Variants in SPIN1 observed in about 807,000 individuals in gnomAD.
The protein encoded by SPIN1 is spindlin-1.
Under a neutral mutation model 26.0 loss-of-function variants are expected in SPIN1, and 3 were observed. The observed-to-expected ratio is 0.12, with a 90% CI of 0.05 to 0.30. The LOEUF (loss-of-function observed/expected upper bound fraction) is 0.30, where lower values mean the gene tolerates loss of function less well. Ranked by LOEUF, SPIN1 falls within the 10% of genes least tolerant of loss-of-function variation. The pLI is 1.00. For synonymous variants in SPIN1, 101 were observed against 116.5 expected (o/e 0.87, Z 0.86); for missense variants, 126 against 333.4 (o/e 0.38, Z 4.84).
Position 88,441,433 on chromosome 9 carries a change from G to A in SPIN1, c.53-7508G>A, listed in dbSNP as rs182188307. On this transcript the variant is annotated intron_variant, in intron 2 of 5. Transcript: ENST00000375859. ...TGTGTGTGCGCGCGCGCGCGCCCAT[G>A]TGTGTGTACATACATTGTTGCTCAA... 2.6e-3 allele frequency among the ~76,000 whole-genome samples: 389 copies of A among 147,818 alleles called. 8 individuals are homozygous for A. Among genetic ancestry groups the A allele is most frequent in the African/African-American group, 9.4e-3 (366 of 38,756 alleles).
chr9:88,420,568 T>C (rs1285225322), intron 1 of SPIN1, among the ~76,000 whole-genome samples: 1 of 152,220 alleles, frequency 6.6e-6, no homozygotes, highest in Non-Finnish European at 1.5e-5. Context: ...GGTTGGTTTA[T>C]GAGTTATAGC....
chr9:88,449,973 C>T (rs190004508), intron 3 of SPIN1, among the ~76,000 whole-genome samples: 102 of 152,034 alleles, frequency 6.7e-4, no homozygotes, highest in Middle Eastern at 3.4e-3. Context: ...AGTGATTGGG[C>T]GAAACAAAAG....
At chr9:88,427,174 A>G (rs781000609) in intron 2 of SPIN1, among the ~76,000 whole-genome samples, 5 of 152,188 alleles carry the variant, frequency 3.3e-5, no homozygotes, top group Non-Finnish European at 7.3e-5. Context: ...GGACTTGAAA[A>G]GCATTCTTCT....
chr9:88,444,478 C>T (rs895223900), intron 2 of SPIN1, among the ~76,000 whole-genome samples: 7 of 151,854 alleles, frequency 4.6e-5, no homozygotes, highest in Non-Finnish European at 7.4e-5. Context: ...CTCCTGACCC[C>T]GTGATCCACC....
chr9:88,418,606 A>G (rs1827613731), intron 1 of SPIN1, among the ~76,000 whole-genome samples: 1 of 152,234 alleles, frequency 6.6e-6, no homozygotes, highest in Admixed American at 6.5e-5. Context: ...GTTCAGTGGT[A>G]GCAGCAGGCA....
chr9:88,441,369 A>G (rs186939162), intron 2 of SPIN1, among the ~76,000 whole-genome samples: 1 of 117,408 alleles, frequency 8.5e-6, no homozygotes, highest in Non-Finnish European at 1.7e-5. Flanking sequence ...TTCTCTCTCC[A>G]GTCTGGTTGT....
rs983907083 is a variant in SPIN1 at position 88,478,591 on chromosome 9, A to G, written c.*3314A>G. 6.6e-6 allele frequency: 1 copy of G among 152,322 alleles called. No individual in the cohort carries two copies. The highest frequency in any genetic ancestry group is 2.4e-5 in the African/African-American group (1 of 41,460). 9.4% of individuals were successfully genotyped at this position (152,322 alleles called of 1,614,324 possible). A position where few individuals can be genotyped will look rare whatever the true frequency, so the allele number is the denominator to read the frequency against. On this transcript the variant is annotated 3_prime_UTR_variant, in exon 6 of 6. Coordinates refer to ENST00000375859, the MANE Select transcript of SPIN1 (RefSeq NM_006717.3). ...ACAGTTCCCTGTTCTCTGCATTTAG[A>G]AGTATACACAATATAAATCTGTTAA...
At chr9:88,443,035 G>A (rs545384353) in intron 2 of SPIN1, among the ~76,000 whole-genome samples, 56 of 149,942 alleles carry the variant, frequency 3.7e-4, no homozygotes, top group Middle Eastern at 6.9e-3. Flanking sequence ...CAGGCGAATC[G>A]CTTGAACCTG....
In SPIN1 at chr9:88,475,193, A is replaced by G. The variant is rs1369472013; in HGVS notation, c.705A>G (p.Gln235=). The G allele has an allele frequency of 1.2e-6, 2 of 1,613,886 alleles. No homozygotes were observed. Among genetic ancestry groups the G allele is most frequent in the African/African-American group, 1.3e-5 (1 of 74,866 alleles). The change falls in exon 6 of 6, where the codon CAA becomes CAG. Residue 235 remains glutamine (Q), a synonymous_variant. Transcript: ENST00000375859. ...GSKRTGMVIH[Q]VEAKPSVYFI... ...AAAGGACTGGCATGGTCATTCATCA[A>G]GTAGAAGCCAAGCCCTCCGTCTATT... is the stretch of plus-strand genomic sequence containing the variant.
chr9:88,407,422 G>C (rs553196652), intron 1 of SPIN1, among the ~76,000 whole-genome samples: 2 of 151,992 alleles, frequency 1.3e-5, no homozygotes, highest in Non-Finnish European at 2.9e-5. Context: ...GGGATTACAG[G>C]TGTGAGCCAC....
intron 2 of SPIN1, among the ~76,000 whole-genome samples, chr9:88,426,978 C>G (rs1275958030): frequency 6.6e-6 from 1 of 152,102 alleles, no homozygotes; most frequent in African/African-American, 2.4e-5. Context: ...CTTGTGTTTA[C>G]TTGAAAGAAG....
At chr9:88,389,201 C>A (rs1424056457) in intron 1 of SPIN1, among the ~76,000 whole-genome samples, 1 of 152,174 alleles carries the variant, frequency 6.6e-6, no homozygotes, top group Non-Finnish European at 1.5e-5. Flanking sequence ...GATGCGCCGT[C>A]TCTTCGCCGC....
chr9:88,390,036 G>T (rs1374092297), intron 1 of SPIN1, among the ~76,000 whole-genome samples: 1 of 152,132 alleles, frequency 6.6e-6, no homozygotes, highest in Non-Finnish European at 1.5e-5. Flanking sequence ...TGTAAAGAAT[G>T]TGTATGCCAG....
At chr9:88,426,640 T>G (rs140974410) in intron 2 of SPIN1, 49 bp downstream of exon 2, 85 of 1,509,340 alleles carry the variant, frequency 5.6e-5, no homozygotes, top group Non-Finnish European at 7.1e-5. Context: ...TTAATATAAT[T>G]CATTTCAAAC....
At chr9:88,431,258 C>A (rs2118044956) in intron 2 of SPIN1, among the ~76,000 whole-genome samples, 1 of 151,252 alleles carries the variant, frequency 6.6e-6, no homozygotes, top group South Asian at 2.1e-4. Context: ...ACCTACTACT[C>A]AAATTTAACA....
chr9:88,464,943 A>T (rs1828634321), intron 4 of SPIN1, among the ~76,000 whole-genome samples: 1 of 141,078 alleles, frequency 7.1e-6, no homozygotes, highest in Non-Finnish European at 1.6e-5. Context: ...GGCAACCACC[A>T]TTCTACACTC....
At chr9:88,467,224 C>T (rs1001160054) in intron 4 of SPIN1, among the ~76,000 whole-genome samples, 10 of 152,086 alleles carry the variant, frequency 6.6e-5, no homozygotes, top group South Asian at 6.2e-4. Flanking sequence ...GGGCTAGGAC[C>T]GTTAATCTAT....
intron 1 of SPIN1, among the ~76,000 whole-genome samples, chr9:88,404,248 A>G (rs1333569794): frequency 1.3e-5 from 2 of 152,218 alleles, no homozygotes; most frequent in African/African-American, 4.8e-5. Context: ...GGCCTAGGAC[A>G]TTATTGTGCA....
chr9:88,450,796 G>A (rs1406540266), intron 3 of SPIN1, among the ~76,000 whole-genome samples: 2 of 152,192 alleles, frequency 1.3e-5, no homozygotes, highest in Non-Finnish European at 2.9e-5. Flanking sequence ...ATCTGAAGAT[G>A]GGTAGAAGGA....
Sources: allele counts gnomAD v4.1 joint callset (sites outside exome capture counted in the v4.1 genomes callset), GRCh38; gene constraint gnomAD v4.1.1; transcripts MANE v1.5; gene names NCBI Gene and HGNC (gene_info 2026-07-23, HGNC 2026-07-21).